The following ZNF445 variants were observed in gnomAD, a reference collection of about 807,000 sequenced individuals.
The protein encoded by ZNF445 is zinc finger protein 445.
A neutral mutation model predicts 93.9 loss-of-function variants in ZNF445; 19 were observed. The observed-to-expected ratio is 0.20, with a 90% confidence interval of 0.14 to 0.30. The LOEUF (loss-of-function observed/expected upper bound fraction) is 0.30, where lower values mean the gene tolerates loss of function less well. Ranked by LOEUF, ZNF445 falls within the 10% of genes least tolerant of loss-of-function variation. The pLI is 1.00. For missense variants in ZNF445, 1,058 were observed against 1,259.4 expected (o/e 0.84, Z 2.42); for synonymous variants, 449 against 446.3 (o/e 1.01, Z -0.08).
At chr3:44,469,354 A>G (rs987473886) in intron 1 of ZNF445, among the ~76,000 whole-genome samples, 1 of 152,190 alleles carries the variant, frequency 6.6e-6, no homozygotes, top group African/African-American at 2.4e-5. Flanking sequence ...CAGTCTACAC[A>G]GGTGGTGTGT....
At chr3:44,474,063 C>T (rs1242988077) in intron 1 of ZNF445, among the ~76,000 whole-genome samples, 1 of 152,188 alleles carries the variant, frequency 6.6e-6, no homozygotes, top group African/African-American at 2.4e-5. Flanking sequence ...ATGAATGCTA[C>T]TTAGACCAAA....
rs1697591082 is a variant in ZNF445 at position 44,432,991 on chromosome 3, G to A, written c.*13584C>T. The A allele has an allele frequency of 6.6e-6, 1 of 152,214 alleles. No individual in the cohort carries two copies. The highest frequency in any genetic ancestry group is 6.6e-5 in the Admixed American group (1 of 15,266). 9.4% of individuals were successfully genotyped at this position (152,214 alleles called of 1,614,324 possible). A position where few individuals can be genotyped will look rare whatever the true frequency, so the allele number is the denominator to read the frequency against. ...TTCAGGTGGAAGTGTAGGAAGCACA[G>A]GAGATCACAGAAGACCTCAGCAGGC... On this transcript the variant is annotated 3_prime_UTR_variant, in exon 8 of 8. Coordinates refer to ENST00000396077, the MANE Select transcript of ZNF445 (RefSeq NM_181489.6).
rs1697809268 is a variant in ZNF445, at chr3:44,441,421, T to A, written c.*5154A>T. 1 of 152,252 alleles carries A rather than the reference T, an allele frequency of 6.6e-6. No individual in the cohort carries two copies. Among genetic ancestry groups the A allele is most frequent in the Non-Finnish European group, 1.5e-5 (1 of 68,036 alleles). 9.4% of individuals were successfully genotyped at this position (152,252 alleles called of 1,614,324 possible). The stretch of plus-strand genomic sequence containing the variant: ...TGTGCTGACCTCCTATCTCATCCCA[T>A]GACTTGGAATGCCTAACCTCCTGGG... On this transcript the variant is annotated 3_prime_UTR_variant, in exon 8 of 8. Transcript: ENST00000396077.
In ZNF445 at chr3:44,447,403, G is replaced by C; in HGVS notation, c.2268C>G (p.His756Gln). The C allele has an allele frequency of 1.9e-6, 3 of 1,614,208 alleles. No homozygotes were observed. Among genetic ancestry groups the C allele is most frequent in the Non-Finnish European group, 2.5e-6 (3 of 1,180,036 alleles). The change falls in exon 8 of 8, where the codon CAC becomes CAG. Residue 756 changes from histidine (H) to glutamine (Q), a missense_variant. By Grantham distance (24) the His-to-Gln change is conservative (BLOSUM62 0). Coordinates refer to ENST00000396077, the MANE Select transcript of ZNF445 (RefSeq NM_181489.6). The surrounding 1 kb of genome is among the most constrained non-coding windows in gnomAD (Gnocchi z 4.7). ...DTVFQVPQSS[H>Q]SKEEPYKCSQ... ...TGCATTTGTAGGGCTCCTCTTTGGA[G>C]TGACTGCTCTGAGGAACCTGGAACA...
intron 1 of ZNF445, among the ~76,000 whole-genome samples, chr3:44,462,552 G>A (rs899249997): frequency 5.9e-5 from 9 of 152,128 alleles, no homozygotes; most frequent in African/African-American, 1.9e-4. Context: ...ATTCCTGTCT[G>A]GTTTTTTATT....
chr3:44,463,011 T>TTGTGTGTG (rs61329186), intron 1 of ZNF445, among the ~76,000 whole-genome samples: 33 of 144,556 alleles, frequency 2.3e-4, no homozygotes, highest in African/African-American at 6.0e-4. Context: ...ATTTTTTTCT[T>TTGTGTGTG]TGTGTGTGTG....
In ZNF445 at chr3:44,444,862, G is replaced by T. The variant is rs1409389060; in HGVS notation, c.*1713C>A. The T allele has an allele frequency of 6.6e-6, 1 of 152,196 alleles. No homozygotes were observed. Among genetic ancestry groups the T allele is most frequent in the Non-Finnish European group, 1.5e-5 (1 of 68,050 alleles). 9.4% of individuals were successfully genotyped at this position (152,196 alleles called of 1,614,324 possible). On this transcript the variant is annotated 3_prime_UTR_variant, in exon 8 of 8. Transcript: ENST00000396077. ...AAGAAATGACCAGCTCCATGAACGG[G>T]CCCCTATAGTCAGGACACTGCTCTA...
At position 44,442,121 on chromosome 3, in the gene ZNF445, G is replaced by C. The variant is rs1697819881; in HGVS notation, c.*4454C>G. 2 of 152,074 alleles carry C rather than the reference G, an allele frequency of 1.3e-5. No homozygotes were observed. Among genetic ancestry groups the C allele is most frequent in the South Asian group, 2.1e-4 (1 of 4,820 alleles). The allele number at this position is 152,074 out of a possible 1,614,324, so 9.4% of individuals were successfully genotyped here. ...ACAGTATGCTTAACTTTACACTAAGGGTACCTTGTATGTAGCTTCACCAAC... is the reference window on the plus strand; with the variant it reads ...ACAGTATGCTTAACTTTACACTAAGCGTACCTTGTATGTAGCTTCACCAAC... On this transcript the variant is annotated 3_prime_UTR_variant, in exon 8 of 8. Transcript: ENST00000396077.
Position 44,450,566 on chromosome 3 carries a change from A to G in ZNF445, c.701T>C (p.Met234Thr), listed in dbSNP as rs771601312. Residue 234 changes from methionine to threonine, a missense_variant, in exon 6 of 8, where the codon ATG becomes ACG. Coordinates refer to ENST00000396077, the MANE Select transcript of ZNF445 (RefSeq NM_181489.6). ...GGTCACCTCCACATCCTTGAAAGTC[A>G]TGGTCTCCTGAAAAAACACTGTGCC... Reference protein sequence around the residue: ...RSLTAQLQETMTFKDVEVTFS... With the variant: ...RSLTAQLQETTTFKDVEVTFS... 2.1e-4 allele frequency: 332 copies of G among 1,613,826 alleles called. 4 individuals carry two copies. The East Asian group carries it at 7.4e-3, about 36-fold the overall frequency.
intron 1 of ZNF445, among the ~76,000 whole-genome samples, chr3:44,463,785 A>G (rs911876224): frequency 6.6e-6 from 1 of 152,100 alleles, no homozygotes; most frequent in Non-Finnish European, 1.5e-5. Context: ...TGATTACAAA[A>G]TGGGATAATT....
Position 44,442,405 on chromosome 3 carries a change from C to T in ZNF445, c.*4170G>A, listed in dbSNP as rs1341930367. The T allele has an allele frequency of 6.6e-6, 1 of 152,206 alleles. No homozygotes were observed. Among genetic ancestry groups the T allele is most frequent in the African/African-American group, 2.4e-5 (1 of 41,448 alleles). The allele number at this position is 152,206 out of a possible 1,614,324, so 9.4% of individuals were successfully genotyped here. Reference sequence around the variant, plus strand: ...AACCTTCCAAGATTTTGCAAATTGCCTGGCACAATATTTCTCACAATTTCT... The same window carrying T: ...AACCTTCCAAGATTTTGCAAATTGCTTGGCACAATATTTCTCACAATTTCT... On this transcript the variant is annotated 3_prime_UTR_variant, in exon 8 of 8. Transcript: ENST00000396077.
At chr3:44,452,235 C>T (rs1313485644) in intron 3 of ZNF445, among the ~76,000 whole-genome samples, 1 of 151,938 alleles carries the variant, frequency 6.6e-6, no homozygotes, top group Non-Finnish European at 1.5e-5. Flanking sequence ...AGTCTTTATA[C>T]CAATATGGAC....
At chr3:44,463,952 C>A (rs1698156787) in intron 1 of ZNF445, among the ~76,000 whole-genome samples, 1 of 152,086 alleles carries the variant, frequency 6.6e-6, no homozygotes, top group African/African-American at 2.4e-5. Context: ...TACGGTGAAA[C>A]CTCGTCTCTA....
chr3:44,450,263 G>C, intron 6 of ZNF445, 184 bp downstream of exon 6: 1 of 684,710 alleles, frequency 1.5e-6, no homozygotes, highest in South Asian at 1.8e-5. Context: ...CAATAATCCA[G>C]AATGGCAGGC....
chr3:44,473,827 C>G (rs1408748048), intron 1 of ZNF445, among the ~76,000 whole-genome samples: 2 of 149,084 alleles, frequency 1.3e-5, no homozygotes, highest in African/African-American at 2.5e-5. Flanking sequence ...GTACTGCATT[C>G]TAGTGCAAAG....
rs1335039554 is a variant in ZNF445 at position 44,444,978 on chromosome 3, T to C, written c.*1597A>G. 6.6e-6 allele frequency: 1 copy of C among 152,256 alleles called. No individual in the cohort carries two copies. Among genetic ancestry groups the C allele is most frequent in the East Asian group, 1.9e-4 (1 of 5,208 alleles). The allele number at this position is 152,256 out of a possible 1,614,324, so 9.4% of individuals were successfully genotyped here. On this transcript the variant is annotated 3_prime_UTR_variant, in exon 8 of 8. Coordinates refer to ENST00000396077, the MANE Select transcript of ZNF445 (RefSeq NM_181489.6). Reference sequence around the variant, plus strand: ...TCACATGCTTTAGCAATATCACTCCTTTGCCTTTAAGTAATTGATTCTTGC... The same window carrying C: ...TCACATGCTTTAGCAATATCACTCCCTTGCCTTTAAGTAATTGATTCTTGC...
At position 44,440,746 on chromosome 3, in the gene ZNF445, G is replaced by A. The variant is rs1697796223; in HGVS notation, c.*5829C>T. The A allele has an allele frequency of 6.6e-6, 1 of 152,072 alleles. No individual in the cohort carries two copies. Among genetic ancestry groups the A allele is most frequent in the African/African-American group, 2.4e-5 (1 of 41,354 alleles). The allele number at this position is 152,072 out of a possible 1,614,324, so 9.4% of individuals were successfully genotyped here. On this transcript the variant is annotated 3_prime_UTR_variant, in exon 8 of 8. Transcript: ENST00000396077. ...GAATGGCTACTCCATAGGAAGAGTA[G>A]CCCCAAGGGCTGCTGGTTGCCTATT...
intron 1 of ZNF445, among the ~76,000 whole-genome samples, chr3:44,466,158 T>C (rs1043399459): frequency 2.0e-5 from 3 of 152,208 alleles, no homozygotes; most frequent in Non-Finnish European, 4.4e-5. Flanking sequence ...GTCTCCTCTA[T>C]CAGAGTAAAG....
At chr3:44,452,019 T>C (rs936104432) in intron 3 of ZNF445, among the ~76,000 whole-genome samples, 1 of 152,156 alleles carries the variant, frequency 6.6e-6, no homozygotes, top group Admixed American at 6.5e-5. Flanking sequence ...AGAGAGGCAA[T>C]GCTAATCATG....
Sources: gnomAD v4.1 joint callset for allele counts (sites outside exome capture counted in the v4.1 genomes callset) on GRCh38, gnomAD v4.1.1 for gene constraint, Gnocchi (gnomAD v3.1) non-coding constraint, MANE v1.5 for transcripts, NCBI Gene and HGNC (gene_info 2026-07-23, HGNC 2026-07-21) for gene names.